HES7: variants seen among roughly 807,000 people sequenced by gnomAD.
HES7 encodes the protein hes family bHLH transcription factor 7, also known as transcription factor HES-7.
A neutral mutation model predicts 18.0 loss-of-function variants in HES7; 8 were observed. The ratio of observed to expected loss-of-function variants is 0.45; its 90% CI spans 0.26 to 0.80. HES7 has a LOEUF of 0.80. Among genes scored for constraint, HES7 ranks in the 30% least tolerant of loss-of-function variants. HES7 has a pLI of 0.18. For synonymous variants in HES7, 170 were observed against 158.6 expected (o/e 1.07, Z -0.54); for missense variants, 356 against 340.9 (o/e 1.04, Z -0.35).
chr17:8,125,767 A>C (rs753569064), upstream of HES7, among the ~76,000 whole-genome samples: 155 of 152,242 alleles, frequency 1.0e-3, no homozygotes, highest in Admixed American at 1.1e-3. Context: ...TCAGTGGTAG[A>C]ATTCTCGCCT....
Position 8,122,538 on chromosome 17 carries a change from A to G in HES7, c.139-108T>C. 1 of 799,998 alleles carries G rather than the reference A, an allele frequency of 1.3e-6. No homozygotes were observed. The allele number at this position is 799,998 out of a possible 1,614,324, so 49.6% of individuals were successfully genotyped here. On this transcript the variant is annotated intron_variant, in intron 2 of 3. Transcript: ENST00000541682. This position sits in a 1 kb window ranked among gnomAD's most constrained non-coding sequence, Gnocchi z 6.9. ...GATGCGGGAGCTGGTGGTGCCCCCG[A>G]TCGCATTTGCGCACTGCCCACAGAA...
chr17:8,124,005 AACCAGG>A (rs1240137445), intron 1 of HES7, 32 bp downstream of exon 1: 1 of 1,612,042 alleles, frequency 6.2e-7, no homozygotes, highest in Admixed American at 1.7e-5. Flanking sequence ...CCCCTAGCCA[AACCAGG>A]GACCTCTGCT....
chr17:8,122,270 G>A lies in HES7; in HGVS notation c.226+73C>T. The stretch of plus-strand genomic sequence containing the variant: ...AAGCCCACCATCCACCGCAGGGCCC[G>A]CCCACTCTGCCCCGGCCGGAGCCTC... On this transcript the variant is annotated intron_variant, in intron 3 of 3. Transcript: ENST00000541682. The surrounding 1 kb of genome is among the most constrained non-coding windows in gnomAD (Gnocchi z 6.9). The A allele has an allele frequency of 7.6e-7, 1 of 1,316,984 alleles. No homozygotes were observed. Among genetic ancestry groups the A allele is most frequent in the Non-Finnish European group, 1.1e-6 (1 of 939,332 alleles). The allele number at this position is 1,316,984 out of a possible 1,614,324, so 81.6% of individuals were successfully genotyped here.
chr17:8,125,984 C>T (rs537691722), upstream of HES7, among the ~76,000 whole-genome samples: 651 of 152,330 alleles, frequency 4.3e-3, 1 homozygote, highest in Non-Finnish European at 7.1e-3. Context: ...CTCGCACTCC[C>T]CTCCTCCCAG....
In HES7 at chr17:8,121,773, T is replaced by C. The variant is rs1481463238; in HGVS notation, c.491A>G (p.His164Arg). ...PAAPALGPALHQRPPVHQGHP... is the reference protein window; with the variant it reads ...PAAPALGPALRQRPPVHQGHP... ...GCCCTGGTGCACTGGGGGGCGCTGG[T>C]GCAGCGCAGGGCCAAGGGCCGGTGC... The change falls in exon 4 of 4, where the codon CAC becomes CGC. Residue 164 changes from histidine (H) to arginine (R), a missense_variant. Transcript: ENST00000541682. The C allele has an allele frequency of 6.5e-7, 1 of 1,528,374 alleles. No homozygotes were observed. Among genetic ancestry groups the C allele is most frequent in the East Asian group, 2.6e-5 (1 of 38,750 alleles). The allele number at this position is 1,528,374 out of a possible 1,614,324, so 94.7% of individuals were successfully genotyped here.
chr17:8,126,142 T>G (rs1409200777), upstream of HES7, among the ~76,000 whole-genome samples: 3 of 151,632 alleles, frequency 2.0e-5, no homozygotes, highest in East Asian at 2.0e-4. Context: ...TCTACATCCC[T>G]TGTTCTTTCC....
rs1490894686 is a variant in HES7 at position 8,122,963 on chromosome 17, C to T, written c.138+68G>A. The T allele has an allele frequency of 2.3e-6, 3 of 1,286,268 alleles. No homozygotes were observed. The allele number at this position is 1,286,268 out of a possible 1,614,324, so 79.7% of individuals were successfully genotyped here. A position where few individuals can be genotyped will look rare whatever the true frequency, so the allele number is the denominator to read the frequency against. On this transcript the variant is annotated intron_variant, in intron 2 of 3. Transcript: ENST00000541682. This position sits in a 1 kb window ranked among gnomAD's most constrained non-coding sequence, Gnocchi z 6.9. ...GTTGCCAACCAAGCTTGTGTCCCCA[C>T]CCCAGTGGGAAGCCCTGGGACGCGG...
chr17:8,120,617 G>C lies in HES7; in HGVS notation c.*954C>G, dbSNP rs945873506. The C allele has an allele frequency of 6.6e-6, 1 of 152,326 alleles. No homozygotes were observed. Among genetic ancestry groups the C allele is most frequent in the African/African-American group, 2.4e-5 (1 of 41,534 alleles). The allele number at this position is 152,326 out of a possible 1,614,324, so 9.4% of individuals were successfully genotyped here. ...TTTACAACAAAACTAGTTTATTTGG[G>C]TGGGACTATATCTGGGAGTGGGGAG... is the stretch of plus-strand genomic sequence containing the variant. On this transcript the variant is annotated 3_prime_UTR_variant, in exon 4 of 4. Transcript: ENST00000541682.
chr17:8,124,647 C>T (rs1182569867), upstream of HES7, among the ~76,000 whole-genome samples: 2 of 152,204 alleles, frequency 1.3e-5, no homozygotes, highest in African/African-American at 2.4e-5. Flanking sequence ...AGTCCGCGAA[C>T]ATCTGCGCGC....
chr17:8,124,050 C>T lies in HES7; in HGVS notation c.35G>A (p.Gly12Asp), dbSNP rs762996641. ...VTRDRAENRD[G>D]PKMLKPLVEK... Reference sequence around the variant, plus strand: ...TCCCCTCCCGCCTCTCACCTTGGGGCCGTCCCTATTCTCAGCTCGATCCCG... The same window carrying T: ...TCCCCTCCCGCCTCTCACCTTGGGGTCGTCCCTATTCTCAGCTCGATCCCG... Residue 12 changes from glycine to aspartate, a missense_variant, in exon 1 of 4, where the codon GGC becomes GAC. Transcript: ENST00000541682. 1 of 1,614,040 alleles carries T rather than the reference C, an allele frequency of 6.2e-7. No homozygotes were observed. The highest frequency in any genetic ancestry group is 8.5e-7 in the Non-Finnish European group (1 of 1,180,042).
rs750066544 is a variant in HES7, at chr17:8,121,858, G to A, written c.406C>T (p.Pro136Ser). The A allele has an allele frequency of 8.3e-6, 13 of 1,572,760 alleles. No homozygotes were observed. The highest frequency in any genetic ancestry group is 2.4e-5 in the East Asian group (1 of 41,804). The change falls in exon 4 of 4, where the codon CCC (proline) becomes TCC (serine). Residue 136 changes from proline to serine, a missense_variant. Pro to Ser is a moderately conservative substitution (Grantham distance 74, BLOSUM62 -1). Coordinates refer to ENST00000541682, the MANE Select transcript of HES7 (RefSeq NM_001165967.2). ...ALHGYLRPKP[P>S]RPKPVDPRPP... ...CTCGGATCTACCGGCTTGGGCCGGG[G>A]CGGTTTGGGGCGCAGATAGCCGTGC...
chr17:8,125,050 G>A (rs1981542068), upstream of HES7, among the ~76,000 whole-genome samples: 1 of 152,056 alleles, frequency 6.6e-6, no homozygotes, highest in Non-Finnish European at 1.5e-5. Context: ...GTTTACTAAG[G>A]GGAAAGCAAG....
upstream of HES7, among the ~76,000 whole-genome samples, chr17:8,124,796 A>G (rs1467766242): frequency 6.6e-6 from 1 of 152,200 alleles, no homozygotes; most frequent in African/African-American, 2.4e-5. Context: ...CCAGTGAAGT[A>G]GGTGCTCCGG....
Position 8,123,961 on chromosome 17 carries a change from C to G in HES7, c.42+82G>C. 6.7e-7 allele frequency: 1 copy of G among 1,502,484 alleles called. No individual in the cohort carries two copies. Among genetic ancestry groups the G allele is most frequent in the Non-Finnish European group, 9.2e-7 (1 of 1,085,310 alleles). 93.1% of individuals were successfully genotyped at this position (1,502,484 alleles called of 1,614,324 possible). On this transcript the variant is annotated intron_variant, in intron 1 of 3. Coordinates refer to ENST00000541682, the MANE Select transcript of HES7 (RefSeq NM_001165967.2). The surrounding 1 kb of genome is among the most constrained non-coding windows in gnomAD (Gnocchi z 5.9). Reference sequence around the variant, plus strand: ...TCCCCTTCCACCCCTGCGTCCCCAGCCTCTCTCCAGACCGACGGCGTCAGG... The same window carrying G: ...TCCCCTTCCACCCCTGCGTCCCCAGGCTCTCTCCAGACCGACGGCGTCAGG...
chr17:8,120,884 T>G lies in HES7; in HGVS notation c.*687A>C, dbSNP rs1178922409. 1.3e-5 allele frequency: 2 copies of G among 152,444 alleles called. No individual in the cohort carries two copies. Among genetic ancestry groups the G allele is most frequent in the Non-Finnish European group, 2.9e-5 (2 of 68,016 alleles). 9.4% of individuals were successfully genotyped at this position (152,444 alleles called of 1,614,324 possible). On this transcript the variant is annotated 3_prime_UTR_variant, in exon 4 of 4. Coordinates refer to ENST00000541682, the MANE Select transcript of HES7 (RefSeq NM_001165967.2). ...CTCCCCAACCCTGCCCCATTCCCAC[T>G]CTAGTACCCGTAAGCTACAAGACGC...
In HES7 at chr17:8,122,377, G is replaced by A. The variant is rs2151853937; in HGVS notation, c.192C>T (p.Gly64=). The change falls in exon 3 of 4, where the codon GGC becomes GGT. Residue 64 remains glycine (G), a synonymous_variant. Coordinates refer to ENST00000541682, the MANE Select transcript of HES7 (RefSeq NM_001165967.2). The surrounding 1 kb of genome is among the most constrained non-coding windows in gnomAD (Gnocchi z 6.9). Reference sequence around the variant, plus strand: ...CCACCCGGCTTCGCTCCCTCAAGTAGCCCACGGCGAACTCCAATATCTCCG... The same window carrying A: ...CCACCCGGCTTCGCTCCCTCAAGTAACCCACGGCGAACTCCAATATCTCCG... ...EKAEILEFAV[G]YLRERSRVEP... 6.3e-7 allele frequency: 1 copy of A among 1,599,188 alleles called. No homozygotes were observed. Among genetic ancestry groups the A allele is most frequent in the Non-Finnish European group, 8.5e-7 (1 of 1,173,194 alleles).
rs999556213 is a variant in HES7 at position 8,122,190 on chromosome 17, A to G, written c.226+153T>C. On this transcript the variant is annotated intron_variant, in intron 3 of 3. Coordinates refer to ENST00000541682, the MANE Select transcript of HES7 (RefSeq NM_001165967.2). This position sits in a 1 kb window ranked among gnomAD's most constrained non-coding sequence, Gnocchi z 6.9. ...GGGAGAAAATGAGGGAGACACAGAGACAGACACGCGCGGGTGTTATTAACC... is the reference window on the plus strand; with the variant it reads ...GGGAGAAAATGAGGGAGACACAGAGGCAGACACGCGCGGGTGTTATTAACC... 4.6e-5 allele frequency among the ~76,000 whole-genome samples: 7 copies of G among 151,932 alleles called. No homozygotes were observed. The highest frequency in any genetic ancestry group is 7.4e-5 in the Non-Finnish European group (5 of 67,984).
rs995188706 is a variant in HES7 at position 8,123,797 on chromosome 17, A to T, written c.42+246T>A. On this transcript the variant is annotated intron_variant, in intron 1 of 3. Transcript: ENST00000541682. This position sits in a 1 kb window ranked among gnomAD's most constrained non-coding sequence, Gnocchi z 5.9. ...AACACCGGCCCCCTCCCCAGGCCAC[A>T]AGGTGCCGACACCCATTACCGAGGC... Among the ~76,000 whole-genome samples the T allele has an allele frequency of 1.3e-5, 2 of 152,236 alleles. No individual in the cohort carries two copies. The highest frequency in any genetic ancestry group is 6.5e-5 in the Admixed American group (1 of 15,290).
Position 8,122,086 on chromosome 17 carries a change from G to C in HES7, c.227-49C>G, listed in dbSNP as rs1180221955. The C allele has an allele frequency of 6.9e-7, 1 of 1,439,080 alleles. No individual in the cohort carries two copies. Among genetic ancestry groups the C allele is most frequent in the Non-Finnish European group, 9.1e-7 (1 of 1,095,288 alleles). 89.1% of individuals were successfully genotyped at this position (1,439,080 alleles called of 1,614,324 possible). ...GGTGGGCAGGGCAGGGGCCCGGCAG[G>C]GGTGAGGGAAGGGGCGGGGCGCAGA... On this transcript the variant is annotated intron_variant, in intron 3 of 3. Coordinates refer to ENST00000541682, the MANE Select transcript of HES7 (RefSeq NM_001165967.2). The surrounding 1 kb of genome is among the most constrained non-coding windows in gnomAD (Gnocchi z 6.9).
Sources: gnomAD v4.1 joint callset for allele counts (sites outside exome capture counted in the v4.1 genomes callset) on GRCh38, gnomAD v4.1.1 for gene constraint, Gnocchi (gnomAD v3.1) non-coding constraint, MANE v1.5 for transcripts, NCBI Gene and HGNC (gene_info 2026-07-23, HGNC 2026-07-21) for gene names.